Variants in TTLL1 observed in about 807,000 individuals in gnomAD.
TTLL1 encodes TTL family tubulin polyglutamylase complex subunit L1, also known as polyglutamylase complex subunit TTLL1.
In TTLL1, 33 loss-of-function variants were observed where a neutral mutation model predicts 47.8. The ratio of observed to expected loss-of-function variants is 0.69; its 90% CI spans 0.52 to 0.92. The LOEUF is 0.92. TTLL1 is among the 40% of genes least tolerant of loss of function. TTLL1 has a pLI of 0.00. For synonymous variants in TTLL1, 225 were observed against 214.1 expected, an observed-to-expected ratio of 1.05 and a Z score of -0.45; for missense variants, 488 against 547.5, an observed-to-expected ratio of 0.89 and a Z score of 1.08.
At chr22:43,083,274 C>T (rs1929016369) in intron 1 of TTLL1, among the ~76,000 whole-genome samples, 1 of 152,096 alleles carries the variant, frequency 6.6e-6, no homozygotes, top group Admixed American at 6.6e-5. Context: ...GAGGCTGAGG[C>T]AGGAGAATGG....
intron 8 of TTLL1, among the ~76,000 whole-genome samples, chr22:43,054,966 C>T (rs1223522147): frequency 2.7e-5 from 4 of 150,778 alleles, no homozygotes; most frequent in Admixed American, 1.3e-4. Context: ...CCTTGTGATC[C>T]GCCCGCCTAG....
chr22:43,042,368 C>T (rs975300195), intron 10 of TTLL1, among the ~76,000 whole-genome samples: 4 of 152,230 alleles, frequency 2.6e-5, no homozygotes, highest in Non-Finnish European at 4.4e-5. Context: ...ACCGAGCCAA[C>T]GCAGAGGAGA....
At chr22:43,058,465 G>A (rs1235650079) in intron 8 of TTLL1, among the ~76,000 whole-genome samples, 1 of 152,160 alleles carries the variant, frequency 6.6e-6, no homozygotes, top group Admixed American at 6.6e-5. Flanking sequence ...CAGACAAGAC[G>A]CTGCTGGAAG....
intron 1 of TTLL1, among the ~76,000 whole-genome samples, 159 bp from the exon 2 acceptor site, chr22:43,080,145 C>A (rs750851029): frequency 1.3e-5 from 2 of 151,850 alleles, no homozygotes; most frequent in African/African-American, 2.4e-5. Flanking sequence ...ATCTCTGCCT[C>A]CCGGGTTCAA....
At chr22:43,053,557 T>C (rs1055883381) in intron 8 of TTLL1, among the ~76,000 whole-genome samples, 1 of 152,186 alleles carries the variant, frequency 6.6e-6, no homozygotes, top group African/African-American at 2.4e-5. Context: ...TCAGTGTCTC[T>C]GTCCAGTCTC....
rs151131310 is a variant in TTLL1, at chr22:43,075,704, G to C, written c.-4-114C>G. ...CCAAACTCGATCTTACCCCGGCAAT[G>C]GTTCTCAACCAGGAGTGATTCCATC... is the stretch of plus-strand genomic sequence containing the variant. On this transcript the variant is annotated intron_variant, in intron 2 of 10. Coordinates refer to ENST00000266254, the MANE Select transcript of TTLL1 (RefSeq NM_012263.5). 4.8e-4 allele frequency: 423 copies of C among 883,910 alleles called. 2 individuals are homozygous for C. In the African/African-American group the frequency reaches 5.8e-3, roughly 12 times the overall value. The allele number at this position is 883,910 out of a possible 1,614,324, so 54.8% of individuals were successfully genotyped here. A position where few individuals can be genotyped will look rare whatever the true frequency, so the allele number is the denominator to read the frequency against.
At chr22:43,050,519 T>G (rs1926541293) in intron 9 of TTLL1, among the ~76,000 whole-genome samples, 1 of 151,940 alleles carries the variant, frequency 6.6e-6, no homozygotes, top group Admixed American at 6.6e-5. Flanking sequence ...TTTTGTTTTT[T>G]TTTTTGTTTG....
intron 3 of TTLL1, among the ~76,000 whole-genome samples, chr22:43,074,427 CAAAAAA>C (rs61701643): frequency 2.3e-5 from 2 of 85,740 alleles, no homozygotes; most frequent in Non-Finnish European, 5.3e-5. Context: ...AATTTCGTCT[CAAAAAA>C]AAAAAAAAAA....
chr22:43,066,679 G>A (rs767030220), intron 5 of TTLL1, among the ~76,000 whole-genome samples: 6 of 137,322 alleles, frequency 4.4e-5, no homozygotes, highest in African/African-American at 9.1e-5. Context: ...CCATGATCCC[G>A]TCTTAAAAAA....
Position 43,068,417 on chromosome 22 carries a change from T to C in TTLL1, c.496A>G (p.Thr166Ala). The C allele has an allele frequency of 6.6e-7, 1 of 1,509,566 alleles. No individual in the cohort carries two copies. The highest frequency in any genetic ancestry group is 9.0e-7 in the Non-Finnish European group (1 of 1,110,564). 93.5% of individuals were successfully genotyped at this position (1,509,566 alleles called of 1,614,324 possible). A position where few individuals can be genotyped will look rare whatever the true frequency, so the allele number is the denominator to read the frequency against. ...QIKKWSRDSK[T>A]SSFVSQSNKE... Reference sequence around the variant, plus strand: ...GTGGCTGCCCACACTTACGAAGATGTCTTGCTGTCCCGGGACCACTTTTTG... The same window carrying C: ...GTGGCTGCCCACACTTACGAAGATGCCTTGCTGTCCCGGGACCACTTTTTG... The change falls in exon 5 of 11, where the codon ACA becomes GCA. Residue 166 changes from threonine (T) to alanine (A), a missense_variant. Coordinates refer to ENST00000266254, the MANE Select transcript of TTLL1 (RefSeq NM_012263.5).
At chr22:43,056,075 C>T (rs1926981338) in intron 8 of TTLL1, among the ~76,000 whole-genome samples, 1 of 151,718 alleles carries the variant, frequency 6.6e-6, no homozygotes, top group African/African-American at 2.4e-5. Flanking sequence ...TAAATATGTT[C>T]ATACAGCCAG....
intron 1 of TTLL1, among the ~76,000 whole-genome samples, chr22:43,088,491 C>A (rs1347236739): frequency 7.7e-6 from 1 of 130,058 alleles, no homozygotes; most frequent in Non-Finnish European, 1.7e-5. Flanking sequence ...CCCCCGCCAC[C>A]ATGCCCGGCT....
intron 8 of TTLL1, among the ~76,000 whole-genome samples, chr22:43,053,347 A>G (rs1749900238): frequency 6.6e-6 from 1 of 152,226 alleles, no homozygotes; most frequent in South Asian, 2.1e-4. Context: ...TCACTGAGAG[A>G]AAGGGAGGCT....
chr22:43,053,400 C>T (rs147264772), intron 8 of TTLL1, among the ~76,000 whole-genome samples: 204 of 152,340 alleles, frequency 1.3e-3, no homozygotes, highest in African/African-American at 4.6e-3. Context: ...TACATTTAAA[C>T]TAAAAGCCTG....
chr22:43,053,828 C>A (rs913372755), intron 8 of TTLL1, among the ~76,000 whole-genome samples: 1 of 152,218 alleles, frequency 6.6e-6, no homozygotes, highest in Admixed American at 6.5e-5. Context: ...TTCAGAGGCA[C>A]CTGCCAGAGG....
chr22:43,052,114 G>C (rs1926678129), intron 8 of TTLL1: 1 of 534,164 alleles, frequency 1.9e-6, no homozygotes. Flanking sequence ...GCCGTAATGG[G>C]CATCTCTGCG....
At chr22:43,076,625 C>G (rs1332572381) in intron 2 of TTLL1, among the ~76,000 whole-genome samples, 1 of 151,542 alleles carries the variant, frequency 6.6e-6, no homozygotes, top group African/African-American at 2.4e-5. Context: ...GTGGCATGCG[C>G]CTGTAATCCC....
chr22:43,054,868 GGCACT>G (rs1426704127), intron 8 of TTLL1, among the ~76,000 whole-genome samples: 2 of 151,584 alleles, frequency 1.3e-5, no homozygotes, highest in Non-Finnish European at 2.9e-5. Flanking sequence ...TGGGACTACA[GGCACT>G]GCCACTACGC....
At chr22:43,069,317 A>G (rs1473925308) in intron 4 of TTLL1, among the ~76,000 whole-genome samples, 3 of 148,466 alleles carry the variant, frequency 2.0e-5, no homozygotes, top group African/African-American at 7.5e-5. Context: ...GCTTGAACTC[A>G]GGAGGCGGAG....
Sources: gnomAD v4.1 joint callset for allele counts (sites outside exome capture counted in the v4.1 genomes callset) on GRCh38, gnomAD v4.1.1 for gene constraint, MANE v1.5 for transcripts, NCBI Gene and HGNC (gene_info 2026-07-23, HGNC 2026-07-21) for gene names.